TMEM132D: variants seen among roughly 807,000 people sequenced by gnomAD.
The protein encoded by TMEM132D is transmembrane protein 132D, also known as mature OL transmembrane protein.
In TMEM132D, 21 loss-of-function variants were observed where a neutral mutation model predicts 62.3. That is an observed-to-expected ratio of 0.34 (90% confidence interval 0.24 to 0.49). The LOEUF (loss-of-function observed/expected upper bound fraction) is 0.49, where lower values mean the gene tolerates loss of function less well. Among genes scored for constraint, TMEM132D ranks in the 20% least tolerant of loss-of-function variants. TMEM132D has a pLI of 0.99. For synonymous variants in TMEM132D, 621 were observed against 575.6 expected (o/e 1.08, Z -1.13); for missense variants, 1,346 against 1,402.8 (o/e 0.96, Z 0.65).
chr12:129,682,502 C>T (rs972244583), intron 2 of TMEM132D, among the ~76,000 whole-genome samples: 1 of 152,100 alleles, frequency 6.6e-6, no homozygotes, highest in East Asian at 1.9e-4. Context: ...TTTGAAAATG[C>T]CATTTCTCCT....
At chr12:129,589,981 T>G (rs1418899062) in intron 2 of TMEM132D, among the ~76,000 whole-genome samples, 1 of 152,220 alleles carries the variant, frequency 6.6e-6, no homozygotes, top group Non-Finnish European at 1.5e-5. Flanking sequence ...ATGTATCTTG[T>G]TTCTACCCTC....
chr12:129,234,296 C>T lies in TMEM132D; in HGVS notation c.1300-24633G>A, dbSNP rs61575453. Among the ~76,000 whole-genome samples, 75 of 152,156 alleles carry T rather than the reference C, an allele frequency of 4.9e-4. 1 individual carries two copies. The highest frequency in any genetic ancestry group is 1.8e-3 in the African/African-American group (74 of 41,512). Reference sequence around the variant, plus strand: ...GAGGGGTGTTTGAAAATGTGGAACCCGAGAAGCTATTATGAAGAGACATGA... The same window carrying T: ...GAGGGGTGTTTGAAAATGTGGAACCTGAGAAGCTATTATGAAGAGACATGA... On this transcript the variant is annotated intron_variant, in intron 4 of 8. Coordinates refer to ENST00000422113, the MANE Select transcript of TMEM132D (RefSeq NM_133448.3).
chr12:129,720,277 T>C (rs1868774571), intron 1 of TMEM132D, among the ~76,000 whole-genome samples: 1 of 152,166 alleles, frequency 6.6e-6, no homozygotes, highest in African/African-American at 2.4e-5. Context: ...TTATACACTC[T>C]ACCTTTCAGT....
intron 3 of TMEM132D, among the ~76,000 whole-genome samples, chr12:129,400,533 T>C (rs1282262385): frequency 1.3e-5 from 2 of 152,170 alleles, no homozygotes; most frequent in Non-Finnish European, 2.9e-5. Flanking sequence ...ATGACTGTAT[T>C]CTCTCCTCTG....
chr12:129,550,824 G>T (rs967917767), intron 2 of TMEM132D, among the ~76,000 whole-genome samples: 1 of 152,168 alleles, frequency 6.6e-6, no homozygotes, highest in African/African-American at 2.4e-5. Context: ...GACCACAACA[G>T]TATATACCTC....
intron 2 of TMEM132D, among the ~76,000 whole-genome samples, chr12:129,577,699 C>T (rs1432120777): frequency 2.6e-5 from 4 of 152,058 alleles, no homozygotes; most frequent in African/African-American, 9.7e-5. Flanking sequence ...CAACTTTTTT[C>T]AATTTGTCTC....
chr12:129,883,179 T>C (rs1461363838), intron 1 of TMEM132D, among the ~76,000 whole-genome samples: 1 of 152,122 alleles, frequency 6.6e-6, no homozygotes, highest in East Asian at 1.9e-4. Flanking sequence ...CTAAAACAAG[T>C]GAGTTTAACA....
chr12:129,333,231 T>C (rs76319537), intron 4 of TMEM132D, among the ~76,000 whole-genome samples: 2,639 of 152,344 alleles, frequency 0.017, 71 homozygotes, highest in African/African-American at 0.06. Flanking sequence ...TCACTATGCA[T>C]AGCAAGTGGA....
intron 3 of TMEM132D, among the ~76,000 whole-genome samples, chr12:129,370,649 T>C (rs1870568914): frequency 6.6e-6 from 1 of 152,206 alleles, no homozygotes; most frequent in South Asian, 2.1e-4. Context: ...CATTAATGGA[T>C]AAATGGATAA....
At chr12:129,383,848 G>A (rs966746435) in intron 3 of TMEM132D, among the ~76,000 whole-genome samples, 3 of 152,154 alleles carry the variant, frequency 2.0e-5, no homozygotes, top group Non-Finnish European at 4.4e-5. Flanking sequence ...CAGAAGACCG[G>A]GTCCCAAATC....
chr12:129,316,991 C>T lies in TMEM132D; in HGVS notation c.1299+20643G>A, dbSNP rs77241829. Among the ~76,000 whole-genome samples the T allele has an allele frequency of 9.4e-3, 1,429 of 151,904 alleles. 31 individuals are homozygous for T. Among genetic ancestry groups the T allele is most frequent in the African/African-American group, 0.032 (1,345 of 41,458 alleles). ...CTCTTGCTCGCTTTTGGTGTCCATT[C>T]GTATGACACTCCTTTACTTTAAGTT... On this transcript the variant is annotated intron_variant, in intron 4 of 8. Coordinates refer to ENST00000422113, the MANE Select transcript of TMEM132D (RefSeq NM_133448.3).
At chr12:129,402,642 C>T (rs1871656602) in intron 3 of TMEM132D, among the ~76,000 whole-genome samples, 1 of 152,198 alleles carries the variant, frequency 6.6e-6, no homozygotes, top group Admixed American at 6.5e-5. Flanking sequence ...GCAATCAGAG[C>T]TCACTGCAGC....
At chr12:129,395,851 A>G (rs1367709812) in intron 3 of TMEM132D, among the ~76,000 whole-genome samples, 1 of 147,432 alleles carries the variant, frequency 6.8e-6, no homozygotes, top group African/African-American at 2.5e-5. Flanking sequence ...ATATTGATAC[A>G]TTGATATGTA....
intron 3 of TMEM132D, among the ~76,000 whole-genome samples, chr12:129,351,573 G>C (rs1251915661): frequency 6.6e-6 from 1 of 152,140 alleles, no homozygotes; most frequent in African/African-American, 2.4e-5. Flanking sequence ...ATTCACATAA[G>C]ATTACCCAGG....
At chr12:129,529,976 A>T (rs760123804) in intron 3 of TMEM132D, among the ~76,000 whole-genome samples, 16 of 152,216 alleles carry the variant, frequency 1.1e-4, no homozygotes, top group Non-Finnish European at 2.1e-4. Context: ...CTAGGACTGA[A>T]CTCAAATACA....
At chr12:129,257,149 TG>T (rs1015445908) in intron 4 of TMEM132D, among the ~76,000 whole-genome samples, 23 of 151,732 alleles carry the variant, frequency 1.5e-4, no homozygotes, top group African/African-American at 5.6e-4. Context: ...ATGAGTCAAT[TG>T]ATCATGGAAG....
intron 4 of TMEM132D, among the ~76,000 whole-genome samples, chr12:129,285,539 A>AAAAAAAAAAAAAAAAAAGAG (rs56018646): frequency 2.1e-3 from 193 of 89,998 alleles, no homozygotes; most frequent in African/African-American, 3.5e-3. Flanking sequence ...AAAAAAAAAA[A>AAAAAAAAAAAAAAAAAAGAG]AGAGAGAGAG....
At chr12:129,369,374 T>TG (rs1870525775) in intron 3 of TMEM132D, among the ~76,000 whole-genome samples, 1 of 152,164 alleles carries the variant, frequency 6.6e-6, no homozygotes, top group South Asian at 2.1e-4. Context: ...GCTGCTTTTT[T>TG]TTTTTAAATT....
At chr12:129,626,298 G>T (rs61943559) in intron 2 of TMEM132D, among the ~76,000 whole-genome samples, 7,635 of 152,150 alleles carry the variant, frequency 0.05, 320 homozygotes, top group South Asian at 0.17. Flanking sequence ...ATATCCCAAA[G>T]AACATAATCG....
Sources: allele counts gnomAD v4.1 joint callset (sites outside exome capture counted in the v4.1 genomes callset), GRCh38; gene constraint gnomAD v4.1.1; transcripts MANE v1.5; gene names NCBI Gene and HGNC (gene_info 2026-07-23, HGNC 2026-07-21).